Variants in KCNH1 observed in about 807,000 individuals in gnomAD.
The protein encoded by KCNH1 is potassium voltage-gated channel subfamily H member 1.
KCNH1 carries 27 observed loss-of-function variants against 69.2 expected under a neutral mutation model. The observed-to-expected ratio is 0.39, with a 90% confidence interval of 0.29 to 0.54. The LOEUF (loss-of-function observed/expected upper bound fraction) is 0.54, where lower values mean the gene tolerates loss of function less well. Ranked by LOEUF, KCNH1 falls within the 20% of genes least tolerant of loss-of-function variation. The probability of loss-of-function intolerance (pLI) is 0.68; values close to 1 mark genes in which losing one functional copy is unlikely to be tolerated. For synonymous variants in KCNH1, 456 were observed against 487.7 expected, an observed-to-expected ratio of 0.93 and a Z score of 0.86; for missense variants, 798 against 1,261.6, an observed-to-expected ratio of 0.63 and a Z score of 5.57.
intron 6 of KCNH1, among the ~76,000 whole-genome samples, chr1:210,946,289 A>T (rs1467405818): frequency 6.6e-6 from 1 of 152,134 alleles, no homozygotes; most frequent in Admixed American, 6.5e-5. Flanking sequence ...CAGCCCCAGG[A>T]TACCCAGTCA....
chr1:210,935,012 G>C (rs1443523114), intron 6 of KCNH1, among the ~76,000 whole-genome samples: 1 of 151,794 alleles, frequency 6.6e-6, no homozygotes, highest in East Asian at 1.9e-4. Flanking sequence ...AAGGGAATCA[G>C]TATGTCAAAG....
intron 10 of KCNH1, among the ~76,000 whole-genome samples, chr1:210,747,071 A>G (rs956826858): frequency 3.9e-5 from 6 of 152,232 alleles, no homozygotes; most frequent in Non-Finnish European, 7.3e-5. Flanking sequence ...ACAGGGGAAG[A>G]GAAGGCCAGA....
At chr1:211,033,465 A>G (rs934678957) in intron 5 of KCNH1, among the ~76,000 whole-genome samples, 5 of 151,776 alleles carry the variant, frequency 3.3e-5, no homozygotes, top group Non-Finnish European at 5.9e-5. Flanking sequence ...ACATGCACAC[A>G]TATGTTTATT....
intron 7 of KCNH1, among the ~76,000 whole-genome samples, chr1:210,869,609 T>C (rs1296329867): frequency 1.3e-5 from 2 of 151,860 alleles, no homozygotes; most frequent in African/African-American, 2.4e-5. Flanking sequence ...TTGTCCTCTT[T>C]AATGGATGTT....
intron 7 of KCNH1, among the ~76,000 whole-genome samples, chr1:210,805,255 T>C (rs781185497): frequency 1.3e-5 from 2 of 152,208 alleles, no homozygotes; most frequent in Non-Finnish European, 2.9e-5. Flanking sequence ...ACTTAATAAA[T>C]ATTTGTCAAA....
At chr1:210,901,690 G>C (rs914881563) in intron 7 of KCNH1, among the ~76,000 whole-genome samples, 2 of 152,224 alleles carry the variant, frequency 1.3e-5, no homozygotes, top group African/African-American at 4.8e-5. Context: ...CTGGGAGCTG[G>C]GAAGTCAGTG....
At chr1:211,099,525 T>C (rs1489379432) in intron 3 of KCNH1, among the ~76,000 whole-genome samples, 1 of 152,150 alleles carries the variant, frequency 6.6e-6, no homozygotes, top group African/African-American at 2.4e-5. Flanking sequence ...CCTCCACAGA[T>C]GTGAAAAGAA....
intron 5 of KCNH1, among the ~76,000 whole-genome samples, chr1:211,040,494 A>G (rs1475220114): frequency 1.3e-5 from 2 of 152,120 alleles, no homozygotes; most frequent in African/African-American, 2.4e-5. Flanking sequence ...TGCTGCCACC[A>G]TAGTAAGAAG....
At chr1:211,026,529 C>T (rs1449438144) in intron 5 of KCNH1, among the ~76,000 whole-genome samples, 1 of 152,156 alleles carries the variant, frequency 6.6e-6, no homozygotes, top group East Asian at 1.9e-4. Flanking sequence ...GTGCCCCCAC[C>T]CCGCCTCAGC....
At chr1:210,954,903 T>C (rs201323772) in intron 6 of KCNH1, among the ~76,000 whole-genome samples, 3 of 152,222 alleles carry the variant, frequency 2.0e-5, no homozygotes, top group East Asian at 3.8e-4. Flanking sequence ...CTCTTTAGCT[T>C]AATTAGATCC....
rs201445983 is a variant in KCNH1, at chr1:211,016,926, T to TA, written c.1032+1856dup. On this transcript the variant is annotated intron_variant, in intron 6 of 10. Coordinates refer to ENST00000271751, the MANE Select transcript of KCNH1 (RefSeq NM_172362.3). ...TCTGTCTCAAAAAAAAAAAAAATTTTAAAATTAAAAAAAAAAATTCTCATT... is the reference window on the plus strand; with the variant it reads ...TCTGTCTCAAAAAAAAAAAAAATTTTAAAAATTAAAAAAAAAAATTCTCATT... Among the ~76,000 whole-genome samples, 78 of 91,844 alleles carry TA rather than the reference T, an allele frequency of 8.5e-4. 1 individual carries two copies. Among genetic ancestry groups the TA allele is most frequent in the African/African-American group, 3.6e-3 (77 of 21,378 alleles). The allele number at this position is 91,844 out of a possible 152,430, so 60.3% of individuals were successfully genotyped here. A position where few individuals can be genotyped will look rare whatever the true frequency, so the allele number is the denominator to read the frequency against.
chr1:211,010,188 G>A (rs1451526433), intron 6 of KCNH1, among the ~76,000 whole-genome samples: 1 of 152,134 alleles, frequency 6.6e-6, no homozygotes, highest in Non-Finnish European at 1.5e-5. Flanking sequence ...GAGGAGTTTG[G>A]CCAGGTATTA....
intron 6 of KCNH1, among the ~76,000 whole-genome samples, chr1:210,981,414 T>C (rs1688708593): frequency 1.4e-5 from 2 of 142,936 alleles, no homozygotes; most frequent in African/African-American, 2.5e-5. Context: ...TATCACACCA[T>C]GGCTATATGA....
chr1:210,830,250 C>T (rs779494628), intron 7 of KCNH1, among the ~76,000 whole-genome samples: 6 of 152,158 alleles, frequency 3.9e-5, no homozygotes, highest in Non-Finnish European at 7.4e-5. Context: ...CCGTTAACTT[C>T]GTTCAAGCAT....
intron 10 of KCNH1, among the ~76,000 whole-genome samples, chr1:210,691,824 T>C (rs1303239253): frequency 6.6e-6 from 1 of 152,158 alleles, no homozygotes; most frequent in African/African-American, 2.4e-5. Context: ...CAGACTTTGA[T>C]TGATTAAGGT....
At position 211,125,239 on chromosome 1, in the gene KCNH1, C is replaced by G. The variant is rs139133646; in HGVS notation, c.79+8628G>C. On this transcript the variant is annotated intron_variant, in intron 1 of 10. Coordinates refer to ENST00000271751, the MANE Select transcript of KCNH1 (RefSeq NM_172362.3). ...AGCCAAAAGCCAGAAAGCAAGGGAGCCTACAGGTGTACTCTATACAGGTCA... is the reference window on the plus strand; with the variant it reads ...AGCCAAAAGCCAGAAAGCAAGGGAGGCTACAGGTGTACTCTATACAGGTCA... 2.0e-5 allele frequency among the ~76,000 whole-genome samples: 3 copies of G among 152,158 alleles called. No homozygotes were observed. In the East Asian group the frequency reaches 5.8e-4, roughly 29 times the overall value.
intron 7 of KCNH1, among the ~76,000 whole-genome samples, chr1:210,824,273 C>T (rs1684992991): frequency 1.3e-5 from 2 of 151,294 alleles, no homozygotes; most frequent in African/African-American, 4.9e-5. Flanking sequence ...TAGATATAAT[C>T]TTATGTAGAT....
intron 3 of KCNH1, among the ~76,000 whole-genome samples, chr1:211,103,130 A>G (rs781133366): frequency 4.6e-5 from 7 of 152,242 alleles, no homozygotes; most frequent in Non-Finnish European, 8.8e-5. Context: ...TGTGGAAGAT[A>G]GATACAAAGA....
At chr1:210,956,061 T>G (rs1688169229) in intron 6 of KCNH1, among the ~76,000 whole-genome samples, 1 of 152,304 alleles carries the variant, frequency 6.6e-6, no homozygotes, top group African/African-American at 2.4e-5. Context: ...GCTCTTATTA[T>G]TTTGAGATAC....
Sources: allele counts gnomAD v4.1 joint callset (sites outside exome capture counted in the v4.1 genomes callset), GRCh38; gene constraint gnomAD v4.1.1; transcripts MANE v1.5; gene names NCBI Gene and HGNC (gene_info 2026-07-23, HGNC 2026-07-21).